ESRRB: variants seen among roughly 807,000 people sequenced by gnomAD.
ESRRB encodes the protein steroid hormone receptor ERR2.
In ESRRB, 16 loss-of-function variants were observed where a neutral mutation model predicts 46.0. The ratio of observed to expected loss-of-function variants is 0.35; its 90% CI spans 0.24 to 0.53. The LOEUF is 0.53. Ranked by LOEUF, ESRRB falls within the 20% of genes least tolerant of loss-of-function variation. The probability of loss-of-function intolerance (pLI) is 0.93; values close to 1 mark genes in which losing one functional copy is unlikely to be tolerated. For synonymous variants in ESRRB, 246 were observed against 259.6 expected (o/e 0.95, Z 0.50); for missense variants, 488 against 607.4 (o/e 0.80, Z 2.07).
At chr14:76,364,384 A>T (rs575982052) in intron 1 of ESRRB, among the ~76,000 whole-genome samples, 41 of 152,246 alleles carry the variant, frequency 2.7e-4, no homozygotes, top group African/African-American at 9.1e-4. Context: ...TTGGGGATGC[A>T]TTCTCTTAAA....
chr14:76,457,923 C>T (rs1316131085), intron 2 of ESRRB, among the ~76,000 whole-genome samples: 1 of 152,128 alleles, frequency 6.6e-6, no homozygotes, highest in African/African-American at 2.4e-5. Flanking sequence ...GATCCTACTG[C>T]CTCGGCCACC....
upstream of ESRRB, among the ~76,000 whole-genome samples, chr14:76,371,993 G>C (rs2278687): frequency 0.23 from 35,254 of 152,068 alleles, 4,103 homozygotes; most frequent in East Asian, 0.32. Context: ...CCTCAAGAGA[G>C]GGAAGATACT....
intron 1 of ESRRB, among the ~76,000 whole-genome samples, chr14:76,385,705 C>T (rs1273063578): frequency 1.3e-5 from 2 of 152,220 alleles, no homozygotes; most frequent in Non-Finnish European, 2.9e-5. Flanking sequence ...GAAATTAAGA[C>T]AGTTTCCTGT....
chr14:76,373,367 G>C (rs1884669181), upstream of ESRRB, among the ~76,000 whole-genome samples: 1 of 152,088 alleles, frequency 6.6e-6, no homozygotes, highest in East Asian at 1.9e-4. Context: ...CTGTTTTCTG[G>C]AGAAGAGATG....
chr14:76,460,628 C>G (rs74068685), intron 2 of ESRRB, among the ~76,000 whole-genome samples: 21,517 of 151,854 alleles, frequency 0.14, 2,464 homozygotes, highest in African/African-American at 0.33. Context: ...TGACCTCAAG[C>G]ACTTTGGGAC....
chr14:76,463,445 G>GTTTTTTTTTTTTTTTTTTTTTT (rs1313130923), intron 3 of ESRRB: 2 of 114,734 alleles, frequency 1.7e-5, no homozygotes, highest in African/African-American at 7.3e-5. Flanking sequence ...ATGCTTCTTT[G>GTTTTTTTTTTTTTTTTTTTTTT]TTTTTTTTTT....
chr14:76,379,088 A>T (rs541337461), intron 1 of ESRRB, among the ~76,000 whole-genome samples: 75 of 152,324 alleles, frequency 4.9e-4, no homozygotes, highest in African/African-American at 1.7e-3. Flanking sequence ...CTGTAGAATC[A>T]TTCTCACTTT....
At chr14:76,463,451 T>TTTTGTTGTTTGTTTG (rs1595143749) in intron 3 of ESRRB, 3 of 135,454 alleles carry the variant, frequency 2.2e-5, no homozygotes, top group Non-Finnish European at 4.7e-5. Flanking sequence ...CTTTGTTTTT[T>TTTTGTTGTTTGTTTG]TTTTTTTTTT....
At chr14:76,310,882 G>A in exon 1 of ESRRB, 1 of 454,538 alleles carries the variant, frequency 2.2e-6, no homozygotes, top group Non-Finnish European at 4.4e-6. Context: ...TTCCACCCCA[G>A]CCCAGTCCTC....
intron 1 of ESRRB, among the ~76,000 whole-genome samples, chr14:76,398,972 G>C (rs1041951890): frequency 6.6e-6 from 1 of 152,114 alleles, no homozygotes; most frequent in Non-Finnish European, 1.5e-5. Flanking sequence ...TTGCATAGGT[G>C]GGTTAGGGGT....
At chr14:76,419,758 T>C (rs1194648370) in intron 1 of ESRRB, among the ~76,000 whole-genome samples, 4 of 152,182 alleles carry the variant, frequency 2.6e-5, no homozygotes, top group African/African-American at 9.7e-5. Flanking sequence ...TCATAGAAGG[T>C]CAAGAACCTG....
intron 1 of ESRRB, among the ~76,000 whole-genome samples, chr14:76,380,205 C>T (rs761018988): frequency 3.9e-5 from 6 of 152,158 alleles, no homozygotes; most frequent in Non-Finnish European, 7.3e-5. Context: ...CTGCTGAATG[C>T]CTTGTTTCTT....
At chr14:76,446,784 C>G (rs565063289) in intron 2 of ESRRB, among the ~76,000 whole-genome samples, 2 of 152,298 alleles carry the variant, frequency 1.3e-5, no homozygotes, top group African/African-American at 4.8e-5. Flanking sequence ...TGTGTGCTCT[C>G]TTTGCATGGC....
At chr14:76,354,656 G>A (rs544234431) in intron 1 of ESRRB, among the ~76,000 whole-genome samples, 18 of 151,740 alleles carry the variant, frequency 1.2e-4, no homozygotes, top group Non-Finnish European at 2.5e-4. Flanking sequence ...AGAACCCATG[G>A]GGTCTCGGGG....
chr14:76,443,121 G>C (rs374585390), intron 2 of ESRRB, among the ~76,000 whole-genome samples: 2 of 151,982 alleles, frequency 1.3e-5, no homozygotes, highest in Non-Finnish European at 2.9e-5. Context: ...CGGTCATAAA[G>C]TGATTTATTT....
At chr14:76,484,725 C>A (rs1055953483) in intron 5 of ESRRB, among the ~76,000 whole-genome samples, 15 of 152,232 alleles carry the variant, frequency 9.9e-5, no homozygotes, top group African/African-American at 3.6e-4. Flanking sequence ...CTGTGACCAA[C>A]CAAGAGGGCA....
At chr14:76,448,410 C>A (rs965592902) in intron 2 of ESRRB, among the ~76,000 whole-genome samples, 1 of 150,610 alleles carries the variant, frequency 6.6e-6, no homozygotes, top group Non-Finnish European at 1.5e-5. Flanking sequence ...CTCACTGCAA[C>A]CTCCGCCTCC....
chr14:76,479,141 T>C (rs1173626170), intron 3 of ESRRB, among the ~76,000 whole-genome samples: 2 of 152,224 alleles, frequency 1.3e-5, no homozygotes, highest in Non-Finnish European at 2.9e-5. Flanking sequence ...ATGGTGATGA[T>C]GCTGGCCTGC....
chr14:76,317,181 AGGG>A (rs1360676955), intron 1 of ESRRB, among the ~76,000 whole-genome samples: 1 of 152,102 alleles, frequency 6.6e-6, no homozygotes, highest in Non-Finnish European at 1.5e-5. Flanking sequence ...CAGGCTGCTG[AGGG>A]TTAAATGACA....
Sources: allele counts gnomAD v4.1 joint callset (sites outside exome capture counted in the v4.1 genomes callset), GRCh38; gene constraint gnomAD v4.1.1; transcripts MANE v1.5; gene names NCBI Gene and HGNC (gene_info 2026-07-23, HGNC 2026-07-21).